Variants in GALNT2 observed in about 807,000 individuals in gnomAD.
The protein encoded by GALNT2 is UDP-GalNAc:polypeptide N-acetylgalactosaminyltransferase 2.
A neutral mutation model predicts 81.4 loss-of-function variants in GALNT2; 31 were observed. The ratio of observed to expected loss-of-function variants is 0.38; its 90% CI spans 0.29 to 0.51. The LOEUF is 0.51. GALNT2 is among the 20% of genes least tolerant of loss of function. The pLI is 0.87. For synonymous variants in GALNT2, 303 were observed against 287.4 expected (o/e 1.05, Z -0.55); for missense variants, 629 against 765.7 (o/e 0.82, Z 2.11).
chr1:230,144,477 T>C (rs1661849890), intron 1 of GALNT2, among the ~76,000 whole-genome samples: 1 of 152,226 alleles, frequency 6.6e-6, no homozygotes, highest in Non-Finnish European at 1.5e-5. Context: ...TGTTCCTCGC[T>C]ACTGGAAGTA....
intron 1 of GALNT2, among the ~76,000 whole-genome samples, chr1:230,108,578 T>C (rs1660609122): frequency 6.6e-6 from 1 of 152,224 alleles, no homozygotes; most frequent in South Asian, 2.1e-4. Context: ...GATGGGATCA[T>C]GTCCCAGTAA....
chr1:230,198,374 C>A (rs113411019), intron 2 of GALNT2, among the ~76,000 whole-genome samples: 12 of 106,774 alleles, frequency 1.1e-4, no homozygotes, highest in African/African-American at 1.5e-4. Context: ...AGCCCAGGAG[C>A]GTACGAGGAG....
chr1:230,141,014 T>G (rs992830765), intron 1 of GALNT2, among the ~76,000 whole-genome samples: 1 of 152,254 alleles, frequency 6.6e-6, no homozygotes, highest in Non-Finnish European at 1.5e-5. Flanking sequence ...TGCAAATGTG[T>G]GTCTATTTTG....
intron 14 of GALNT2, among the ~76,000 whole-genome samples, chr1:230,266,560 A>G (rs368794673): frequency 1.8e-4 from 27 of 152,342 alleles, no homozygotes; most frequent in African/African-American, 5.5e-4. Context: ...CTCCCAAGTG[A>G]GTGTCCAGGC....
At chr1:230,173,481 G>C (rs1040007863) in intron 1 of GALNT2, among the ~76,000 whole-genome samples, 1 of 152,160 alleles carries the variant, frequency 6.6e-6, no homozygotes, top group African/African-American at 2.4e-5. Context: ...CTCCTTTGAG[G>C]GTGGTGGAAA....
At chr1:230,214,429 A>G (rs79278742) in intron 3 of GALNT2, among the ~76,000 whole-genome samples, 2,188 of 152,228 alleles carry the variant, frequency 0.014, 27 homozygotes, top group Non-Finnish European at 0.021. Flanking sequence ...GTTTTTGAAG[A>G]GTCTTTTCAC....
At chr1:230,263,140 G>T in intron 13 of GALNT2, 135 bp downstream of exon 13, 1 of 701,872 alleles carries the variant, frequency 1.4e-6, no homozygotes, top group Non-Finnish European at 2.4e-6. Flanking sequence ...AGAGCCTGTG[G>T]TCTCACTCCA....
At chr1:230,109,035 C>T (rs750221360) in intron 1 of GALNT2, among the ~76,000 whole-genome samples, 1 of 152,216 alleles carries the variant, frequency 6.6e-6, no homozygotes, top group Non-Finnish European at 1.5e-5. Context: ...GTTTCGCGAA[C>T]AGTGCAAACG....
At position 230,203,461 on chromosome 1, in the gene GALNT2, G is replaced by A. The variant is rs146246216; in HGVS notation, c.374+171G>A. Among the ~76,000 whole-genome samples the A allele has an allele frequency of 2.7e-3, 406 of 152,348 alleles. 5 individuals are homozygous for A. The highest frequency in any genetic ancestry group is 4.6e-3 in the South Asian group (22 of 4,834). ...GGCAATGGAACTTCATCCATAGGCA[G>A]TGGAAGGATGGTTCTAGATTCAGCT... On this transcript the variant is annotated intron_variant, in intron 3 of 15. Coordinates refer to ENST00000366672, the MANE Select transcript of GALNT2 (RefSeq NM_004481.5).
chr1:230,234,104 G>A (rs76595753), intron 3 of GALNT2, among the ~76,000 whole-genome samples: 2,529 of 152,298 alleles, frequency 0.017, 67 homozygotes, highest in African/African-American at 0.058. Context: ...GGCTCTCCAA[G>A]AGTGGGGTCT....
chr1:230,172,962 G>A lies in GALNT2; in HGVS notation c.127-5256G>A, dbSNP rs72651072. Among the ~76,000 whole-genome samples, 112 of 152,286 alleles carry A rather than the reference G, an allele frequency of 7.4e-4. 1 individual carries two copies. The highest frequency in any genetic ancestry group is 1.3e-4 in the Non-Finnish European group (9 of 68,016). ...AGGTAAGTAGACGTCGCTCAGCCAT[G>A]GATTCCCGTCTGATTACACTCATGG... is the stretch of plus-strand genomic sequence containing the variant. On this transcript the variant is annotated intron_variant, in intron 1 of 15. Coordinates refer to ENST00000366672, the MANE Select transcript of GALNT2 (RefSeq NM_004481.5).
chr1:230,272,009 A>G (rs1427016833), intron 14 of GALNT2, among the ~76,000 whole-genome samples: 1 of 152,210 alleles, frequency 6.6e-6, no homozygotes, highest in Non-Finnish European at 1.5e-5. Flanking sequence ...CCATCACCCA[A>G]TAAATTCCAA....
Position 230,268,716 on chromosome 1 carries a change from C to T in GALNT2, c.1440+3349C>T, listed in dbSNP as rs1280479500. Among the ~76,000 whole-genome samples the T allele has an allele frequency of 4.6e-5, 7 of 152,174 alleles. No homozygotes were observed. The East Asian group carries it at 1.3e-3, about 29-fold the overall frequency. On this transcript the variant is annotated intron_variant, in intron 14 of 15. Coordinates refer to ENST00000366672, the MANE Select transcript of GALNT2 (RefSeq NM_004481.5). Reference sequence around the variant, plus strand: ...TGTGGAGGTGGCAGGTCTACGGGAACCAAAGACTTTGTCTGTGTAGCTGCT... The same window carrying T: ...TGTGGAGGTGGCAGGTCTACGGGAATCAAAGACTTTGTCTGTGTAGCTGCT...
At chr1:230,255,452 A>G in intron 11 of GALNT2, 108 bp downstream of exon 11, 1 of 1,413,024 alleles carries the variant, frequency 7.1e-7, no homozygotes, top group Non-Finnish European at 9.8e-7. Flanking sequence ...GGTGTGGTGC[A>G]TTTATACAAT....
In GALNT2 at chr1:230,255,245, G is replaced by A; in HGVS notation, c.1037G>A (p.Gly346Asp). The A allele has an allele frequency of 1.2e-6, 2 of 1,614,192 alleles. No individual in the cohort carries two copies. The highest frequency in any genetic ancestry group is 1.7e-6 in the Non-Finnish European group (2 of 1,180,014). Residue 346 changes from glycine (G) to aspartate (D), a missense_variant, in exon 11 of 16, where the codon GGT becomes GAT. This residue lies in a region of GALNT2 where 360 missense variants were observed against 492.8 expected (regional missense o/e 0.73). Transcript: ENST00000366672. ...LEISFRVWQC[G>D]GSLEIIPCSR... is the part of the protein sequence containing the mutation. ...ATCTCGTTCCGCGTGTGGCAGTGTG[G>A]TGGCAGCCTGGAGATCATCCCGTGC... is the stretch of plus-strand genomic sequence containing the variant.
chr1:230,139,873 C>T (rs1023569319), intron 1 of GALNT2, among the ~76,000 whole-genome samples: 1 of 152,216 alleles, frequency 6.6e-6, no homozygotes, highest in Non-Finnish European at 1.5e-5. Flanking sequence ...GAATGAAGTT[C>T]TTTCAGCTCC....
chr1:230,176,819 C>A (rs1398123693), intron 1 of GALNT2, among the ~76,000 whole-genome samples: 1 of 152,224 alleles, frequency 6.6e-6, no homozygotes, highest in Non-Finnish European at 1.5e-5. Context: ...CATTCTAATA[C>A]ATTTGTTGCA....
intron 1 of GALNT2, among the ~76,000 whole-genome samples, chr1:230,140,220 G>T (rs1661687272): frequency 1.3e-5 from 2 of 152,224 alleles, no homozygotes; most frequent in African/African-American, 2.4e-5. Context: ...TGGGTTTAGG[G>T]GATGGCTCAC....
At chr1:230,145,058 C>T (rs906072460) in intron 1 of GALNT2, among the ~76,000 whole-genome samples, 1 of 152,134 alleles carries the variant, frequency 6.6e-6, no homozygotes, top group Non-Finnish European at 1.5e-5. Flanking sequence ...CCGATGGCCA[C>T]TCCAGAGCTG....
Sources: gnomAD v4.1 joint callset for allele counts (sites outside exome capture counted in the v4.1 genomes callset) on GRCh38, gnomAD v4.1.1 for gene constraint, gnomAD v4.1.1 regional missense constraint, MANE v1.5 for transcripts, NCBI Gene and HGNC (gene_info 2026-07-23, HGNC 2026-07-21) for gene names.